The following SYNE2 variants were observed in gnomAD, a reference collection of about 807,000 sequenced individuals.
SYNE2 encodes nesprin-2.
SYNE2 carries 431 observed loss-of-function variants against 856.3 expected under a neutral mutation model. The observed-to-expected ratio is 0.50, with a 90% CI of 0.47 to 0.55. The LOEUF (loss-of-function observed/expected upper bound fraction) is 0.55. Among genes scored for constraint, SYNE2 ranks in the 20% least tolerant of loss-of-function variants. The pLI, the probability that SYNE2 is intolerant of heterozygous loss-of-function variation, is 0.00. For synonymous variants in SYNE2, 2,923 were observed against 2,872.3 expected (o/e 1.02, Z -0.56); for missense variants, 8,129 against 8,023.2 (o/e 1.01, Z -0.50).
At chr14:63,910,891 C>T (rs559247467) in intron 2 of SYNE2, among the ~76,000 whole-genome samples, 1 of 152,278 alleles carries the variant, frequency 6.6e-6, no homozygotes, top group Non-Finnish European at 1.5e-5. Flanking sequence ...TGTCCAAGAG[C>T]ACATGGCTGG....
rs879255436 is a variant in SYNE2 at position 64,219,370 on chromosome 14, C to T, written c.19820C>T (p.Ser6607Phe). The T allele has an allele frequency of 3.1e-6, 5 of 1,613,984 alleles. No individual in the cohort carries two copies. The Middle Eastern group carries it at 4.9e-4, about 159-fold the overall frequency. Residue 6607 changes from serine to phenylalanine, a missense_variant, in exon 110 of 116, where the codon TCT becomes TTT. Transcript: ENST00000555002. ...LEMLKMAKPP[S>F]DIQEIELRVK... The stretch of plus-strand genomic sequence containing the variant: ...ATGTTAAAGATGGCAAAGCCTCCCT[C>T]TGATATCCAGGAAATAGAACTGAGA...
At chr14:64,224,319 C>A in intron 113 of SYNE2, 142 bp from the exon 114 acceptor site, 1 of 818,496 alleles carries the variant, frequency 1.2e-6, no homozygotes, top group Non-Finnish European at 2.1e-6. Context: ...CCACTGCACT[C>A]CAGCCTGGGT....
At chr14:64,043,761 C>G (rs1423386075) in intron 45 of SYNE2, among the ~76,000 whole-genome samples, 3 of 152,210 alleles carry the variant, frequency 2.0e-5, no homozygotes, top group Non-Finnish European at 2.9e-5. Flanking sequence ...ACCTGGATGC[C>G]AAGACAGAAG....
chr14:64,114,024 G>C (rs1326936167), intron 66 of SYNE2, among the ~76,000 whole-genome samples: 1 of 152,134 alleles, frequency 6.6e-6, no homozygotes, highest in African/African-American at 2.4e-5. Flanking sequence ...CTCAGTAAAT[G>C]CTATTATTTT....
chr14:63,914,315 T>C (rs2095510009), intron 2 of SYNE2, among the ~76,000 whole-genome samples: 1 of 152,188 alleles, frequency 6.6e-6, no homozygotes, highest in Non-Finnish European at 1.5e-5. Context: ...TCAGTGTAAT[T>C]TGAGACCAAA....
In SYNE2 at chr14:64,219,221, A is replaced by G; in HGVS notation, c.19671A>G (p.Arg6557=). 2 of 1,612,110 alleles carry G rather than the reference A, an allele frequency of 1.2e-6. No homozygotes were observed. The highest frequency in any genetic ancestry group is 1.3e-5 in the African/African-American group (1 of 74,428). Residue 6557 remains arginine (R), a synonymous_variant, in exon 110 of 116, where the codon AGA becomes AGG. Coordinates refer to ENST00000555002, the MANE Select transcript of SYNE2 (RefSeq NM_182914.3). ...ITEQQSGAFD[R]WEMIQAQELH... is the part of the protein sequence containing the mutation. ...TTTTAATTCCAGGTGCCTTCGACAG[A>G]TGGGAGATGATTCAAGCACAGGAGC...
At chr14:63,915,656 G>A (rs958845420) in intron 2 of SYNE2, among the ~76,000 whole-genome samples, 3 of 152,062 alleles carry the variant, frequency 2.0e-5, no homozygotes, top group African/African-American at 7.2e-5. Flanking sequence ...CAGTTACTGT[G>A]TCATTTCAAA....
intron 54 of SYNE2, among the ~76,000 whole-genome samples, chr14:64,078,040 T>C (rs911261158): frequency 7.2e-5 from 11 of 152,208 alleles, no homozygotes; most frequent in Non-Finnish European, 1.0e-4. Flanking sequence ...AGTTTGGTTT[T>C]ACTGAAAACA....
Position 63,863,622 on chromosome 14 carries a change from C to T in SYNE2, c.-52+10479C>T, listed in dbSNP as rs745553686. On this transcript the variant is annotated intron_variant, in intron 1 of 115. Transcript: ENST00000555002. ...ATAAAAACCCCCCACAACTCAAATGCATATAAGCTGTTACTATAGTATAAT... is the reference window on the plus strand; with the variant it reads ...ATAAAAACCCCCCACAACTCAAATGTATATAAGCTGTTACTATAGTATAAT... Among the ~76,000 whole-genome samples the T allele has an allele frequency of 2.6e-5, 4 of 152,156 alleles. No homozygotes were observed. In the East Asian group the frequency reaches 7.7e-4, roughly 29 times the overall value.
chr14:63,810,300 T>G lies in SYNE2; in HGVS notation c.-304-42201T>G, dbSNP rs555306640. Among the ~76,000 whole-genome samples, 10 of 152,162 alleles carry G rather than the reference T, an allele frequency of 6.6e-5. No individual in the cohort carries two copies. In the East Asian group the frequency reaches 1.7e-3, roughly 26 times the overall value. Reference sequence around the variant, plus strand: ...ATTAGCAGTATCTGATACATTAAATTGCATGGAAGCATGTTGAATAAGTGA... The same window carrying G: ...ATTAGCAGTATCTGATACATTAAATGGCATGGAAGCATGTTGAATAAGTGA... On this transcript the variant is annotated intron_variant, in intron 1 of 23. Coordinates refer to the SYNE2 transcript ENST00000674003.
rs537891720 is a variant in SYNE2 at position 64,220,543 on chromosome 14, G to C, written c.19967G>C (p.Ser6656Thr). The change falls in exon 111 of 116, where the codon AGT becomes ACT. Residue 6656 changes from serine (S) to threonine (T), a missense_variant. Transcript: ENST00000555002. ...TESPESTELQ[S>T]RLRQLSLLWE... is the part of the protein sequence containing the mutation. ...AGCCCCGAATCCACAGAGCTCCAAA[G>C]TAGACTCCGCCAGCTGAGCCTGCTC... 50 of 1,614,160 alleles carry C rather than the reference G, an allele frequency of 3.1e-5. No homozygotes were observed. In the East Asian group the frequency reaches 1.1e-3, roughly 35 times the overall value.
chr14:64,035,515 ATTTT>A (rs35030710), intron 45 of SYNE2, among the ~76,000 whole-genome samples: 32 of 121,714 alleles, frequency 2.6e-4, no homozygotes, highest in Non-Finnish European at 8.3e-5. Context: ...TACATGGTAC[ATTTT>A]TTTTTTTTTT....
chr14:63,843,718 C>T (rs72716397), intron 1 of SYNE2, among the ~76,000 whole-genome samples: 14 of 152,238 alleles, frequency 9.2e-5, no homozygotes, highest in Non-Finnish European at 1.9e-4. Context: ...CTTTTCAGCA[C>T]CTGTGGAAAT....
At chr14:63,872,338 G>A (rs1566669403) in intron 1 of SYNE2, among the ~76,000 whole-genome samples, 3 of 152,050 alleles carry the variant, frequency 2.0e-5, no homozygotes, top group Non-Finnish European at 2.9e-5. Flanking sequence ...GCTGAGGCAG[G>A]AGAATCACTT....
chr14:63,892,355 T>C (rs2095152476), intron 1 of SYNE2, among the ~76,000 whole-genome samples: 1 of 152,004 alleles, frequency 6.6e-6, no homozygotes, highest in African/African-American at 2.4e-5. Context: ...AATTTCACAG[T>C]TCCTCCATTC....
intron 1 of SYNE2, among the ~76,000 whole-genome samples, chr14:63,773,418 C>G (rs574833193): frequency 6.6e-6 from 1 of 152,146 alleles, no homozygotes; most frequent in East Asian, 1.9e-4. Context: ...CCAGGCTGGT[C>G]TCAAACTCCT....
intron 49 of SYNE2, among the ~76,000 whole-genome samples, chr14:64,058,868 C>A (rs1438351353): frequency 1.3e-5 from 2 of 151,858 alleles, no homozygotes; most frequent in Non-Finnish European, 2.9e-5. Flanking sequence ...TCTTTTATCT[C>A]CTCTGACTGT....
intron 1 of SYNE2, among the ~76,000 whole-genome samples, chr14:63,881,928 A>T (rs1330352276): frequency 6.6e-6 from 1 of 152,192 alleles, no homozygotes; most frequent in Non-Finnish European, 1.5e-5. Flanking sequence ...GAATTTTATT[A>T]CTCTTTAGAA....
intron 1 of SYNE2, among the ~76,000 whole-genome samples, chr14:63,825,940 T>A (rs1889412574): frequency 6.6e-6 from 1 of 152,188 alleles, no homozygotes; most frequent in African/African-American, 2.4e-5. Flanking sequence ...TGGACTGGAA[T>A]ACTTAACATT....
Sources: gnomAD v4.1 joint callset for allele counts (sites outside exome capture counted in the v4.1 genomes callset) on GRCh38, gnomAD v4.1.1 for gene constraint, MANE v1.5 for transcripts, NCBI Gene and HGNC (gene_info 2026-07-23, HGNC 2026-07-21) for gene names.